ANKRD53: variants seen among roughly 807,000 people sequenced by gnomAD.
ANKRD53 encodes ankyrin repeat domain-containing protein 53.
A neutral mutation model predicts 30.1 loss-of-function variants in ANKRD53; 27 were observed. That is an observed-to-expected ratio of 0.90 (90% CI 0.66 to 1.24). The LOEUF is 1.24. ANKRD53 is among the 50% of genes most tolerant of loss of function. ANKRD53 has a pLI of 0.00. For missense variants in ANKRD53, 682 were observed against 721.0 expected (o/e 0.95, Z 0.62); for synonymous variants, 286 against 295.4 (o/e 0.97, Z 0.33).
intron 3 of ANKRD53, 91 bp from the exon 4 acceptor site, chr2:70,981,845 G>A (rs1553423646): frequency 5.8e-6 from 8 of 1,378,816 alleles, no homozygotes; most frequent in Middle Eastern, 1.9e-4. Flanking sequence ...GTAGAGCAGG[G>A]CTTGGAAACT....
At position 70,984,725 on chromosome 2, in the gene ANKRD53, A is replaced by C; in HGVS notation, c.1018A>C (p.Lys340Gln). The C allele has an allele frequency of 6.2e-7, 1 of 1,609,266 alleles. No homozygotes were observed. Among genetic ancestry groups the C allele is most frequent in the Non-Finnish European group, 8.5e-7 (1 of 1,177,432 alleles). Residue 340 changes from lysine (K) to glutamine (Q), a missense_variant, in exon 6 of 6, where the codon AAG (lysine) becomes CAG (glutamine). Lys to Gln is a moderately conservative substitution (Grantham distance 53). Coordinates refer to ENST00000360589, the MANE Select transcript of ANKRD53 (RefSeq NM_001115116.2). The stretch of plus-strand genomic sequence containing the variant: ...GCAAGCCCGGGCCACCGCCCTCTCC[A>C]AGACCCCAGAGCAACGGGAATCGCA... ...TKQARATALS[K>Q]TPEQRESQRS...
rs1412483506 is a variant in ANKRD53, at chr2:70,978,999, A to T, written c.171-98A>T. ...GGCCGTGGCCCAGAGTCGCTTCCCC[A>T]CTGCCCCGCCCACCAGCCAGGCGGG... On this transcript the variant is annotated intron_variant, in intron 1 of 5. Transcript: ENST00000360589. This position sits in a 1 kb window ranked among gnomAD's most constrained non-coding sequence, Gnocchi z 4.3. The T allele has an allele frequency of 2.1e-6, 3 of 1,454,776 alleles. No homozygotes were observed. Among genetic ancestry groups the T allele is most frequent in the Non-Finnish European group, 2.7e-6 (3 of 1,107,644 alleles). 90.1% of individuals were successfully genotyped at this position (1,454,776 alleles called of 1,614,324 possible). A position where few individuals can be genotyped will look rare whatever the true frequency, so the allele number is the denominator to read the frequency against.
rs993976275 is a variant in ANKRD53, at chr2:70,985,272, C to A, written c.1565C>A (p.Thr522Asn). Residue 522 changes from threonine (T) to asparagine (N), a missense_variant, in exon 6 of 6, where the codon ACC (threonine) becomes AAC (asparagine). Transcript: ENST00000360589. ...AAVRSHQGLPTLPSPQTNP is the reference protein window; with the variant it reads ...AAVRSHQGLPNLPSPQTNP Reference sequence around the variant, plus strand: ...GTGCGATCTCATCAAGGACTCCCCACCCTGCCCTCCCCACAAACCAACCCA... The same window carrying A: ...GTGCGATCTCATCAAGGACTCCCCAACCTGCCCTCCCCACAAACCAACCCA... 4.5e-5 allele frequency: 70 copies of A among 1,547,284 alleles called. 1 individual carries two copies. The Admixed American group carries it at 1.3e-3, about 29-fold the overall frequency.
chr2:70,980,773 G>A (rs923543203), intron 3 of ANKRD53, among the ~76,000 whole-genome samples: 12 of 151,852 alleles, frequency 7.9e-5, no homozygotes, highest in African/African-American at 1.7e-4. Context: ...GTAAAACCCC[G>A]TCTCTACTAA....
Position 70,978,649 on chromosome 2 carries a change from G to T in ANKRD53, c.4G>T (p.Ala2Ser). Residue 2 changes from alanine to serine, a missense_variant, in exon 1 of 6, where the codon GCC becomes TCC. Physicochemically the swap from Ala to Ser is moderately conservative, Grantham distance 99. Coordinates refer to ENST00000360589, the MANE Select transcript of ANKRD53 (RefSeq NM_001115116.2). This position sits in a 1 kb window ranked among gnomAD's most constrained non-coding sequence, Gnocchi z 4.3. M[A>S]SAGSTARRAG... ...GGGTCCGAGTTCCAGCCCCGCGATG[G>T]CCTCCGCGGGCAGCACCGCTCGGCG... 6.5e-7 allele frequency: 1 copy of T among 1,527,812 alleles called. No homozygotes were observed. Among genetic ancestry groups the T allele is most frequent in the Non-Finnish European group, 8.8e-7 (1 of 1,138,588 alleles). 94.6% of individuals were successfully genotyped at this position (1,527,812 alleles called of 1,614,324 possible).
chr2:70,979,011 A>C (rs1177048407), intron 1 of ANKRD53, 86 bp from the exon 2 acceptor site: 2 of 1,445,736 alleles, frequency 1.4e-6, no homozygotes, highest in East Asian at 2.5e-5. Flanking sequence ...TGCCCCGCCC[A>C]CCAGCCAGGC....
Position 70,981,985 on chromosome 2 carries a change from T to G in ANKRD53, c.667T>G (p.Leu223Val). 1 of 1,612,844 alleles carries G rather than the reference T, an allele frequency of 6.2e-7. No homozygotes were observed. The highest frequency in any genetic ancestry group is 8.5e-7 in the Non-Finnish European group (1 of 1,179,392). Residue 223 changes from leucine (L) to valine (V), a missense_variant, in exon 4 of 6, where the codon TTG becomes GTG. Coordinates refer to ENST00000360589, the MANE Select transcript of ANKRD53 (RefSeq NM_001115116.2). Reference sequence around the variant, plus strand: ...CCTGCACCTGGCAGCCCGTGACGGCTTGCTGGACTGTGTGAAGGTCCTGGT... The same window carrying G: ...CCTGCACCTGGCAGCCCGTGACGGCGTGCTGGACTGTGTGAAGGTCCTGGT... ...TPLHLAARDG[L>V]LDCVKVLVQS...
In ANKRD53 at chr2:70,978,949, G is replaced by A; in HGVS notation, c.170+134G>A. The A allele has an allele frequency of 6.3e-6, 9 of 1,438,632 alleles. No individual in the cohort carries two copies. In the Middle Eastern group the frequency reaches 2.1e-3, roughly 330 times the overall value. The allele number at this position is 1,438,632 out of a possible 1,614,324, so 89.1% of individuals were successfully genotyped here. ...AGCCAGCAGAGACAGGCTGGGGCCA[G>A]GGATCGCCTCCCGAGAGGTGCCTAG... On this transcript the variant is annotated intron_variant, in intron 1 of 5. Transcript: ENST00000360589. The surrounding 1 kb of genome is among the most constrained non-coding windows in gnomAD (Gnocchi z 4.3).
intron 5 of ANKRD53, 93 bp from the exon 6 acceptor site, chr2:70,984,518 G>A: frequency 6.5e-7 from 1 of 1,545,362 alleles, no homozygotes; most frequent in Non-Finnish European, 8.7e-7. Flanking sequence ...CCTTCAGACT[G>A]TGGTTTCCGA....
At chr2:70,983,940 G>A (rs1670089561) in intron 5 of ANKRD53, among the ~76,000 whole-genome samples, 1 of 152,110 alleles carries the variant, frequency 6.6e-6, no homozygotes, top group Admixed American at 6.6e-5. Context: ...TGGCGGTGGG[G>A]GAGGTTCTAT....
At position 70,985,422 on chromosome 2, in the gene ANKRD53, G is replaced by T; in HGVS notation, c.*122G>T. On this transcript the variant is annotated 3_prime_UTR_variant, in exon 6 of 6. Transcript: ENST00000360589. ...ATGGGCTTCCCACTCCCAAGCTCGAGGAGTCACCCTTCCCAATCAAAAGCC... is the reference window on the plus strand; with the variant it reads ...ATGGGCTTCCCACTCCCAAGCTCGATGAGTCACCCTTCCCAATCAAAAGCC... The T allele has an allele frequency of 1.1e-6, 1 of 874,052 alleles. No homozygotes were observed. Among genetic ancestry groups the T allele is most frequent in the Non-Finnish European group, 1.7e-6 (1 of 582,394 alleles). 54.1% of individuals were successfully genotyped at this position (874,052 alleles called of 1,614,324 possible).
At position 70,979,225 on chromosome 2, in the gene ANKRD53, C is replaced by CA. The variant is rs1553423023; in HGVS notation, c.301dup (p.Ile101AsnfsTer74). The CA allele has an allele frequency of 1.2e-6, 2 of 1,613,346 alleles. No individual in the cohort carries two copies. The highest frequency in any genetic ancestry group is 1.7e-6 in the Non-Finnish European group (2 of 1,180,038). ...CCCAGCAAGGAGTCCGACCAGACGGCAATCGACCAGACGGCGATCGGGAGC... is the reference window on the plus strand; with the variant it reads ...CCCAGCAAGGAGTCCGACCAGACGGCAAATCGACCAGACGGCGATCGGGAGC... On this transcript the variant is annotated frameshift_variant, in exon 2 of 6. Coordinates refer to ENST00000360589, the MANE Select transcript of ANKRD53 (RefSeq NM_001115116.2). LOFTEE classifies it high-confidence loss of function.
chr2:70,981,606 C>T (rs1039055037), intron 3 of ANKRD53, among the ~76,000 whole-genome samples: 5 of 152,130 alleles, frequency 3.3e-5, no homozygotes, highest in Admixed American at 1.3e-4. Context: ...TGTGGGCATA[C>T]GGAATCTGGT....
At chr2:70,979,606 G>A in intron 2 of ANKRD53, 55 bp from the exon 3 acceptor site, 2 of 1,533,296 alleles carry the variant, frequency 1.3e-6, no homozygotes, top group Non-Finnish European at 1.8e-6. Context: ...ATAAATTGTG[G>A]ACCCTGGGAC....
rs3796100 is a variant in ANKRD53, at chr2:70,984,999, A to T, written c.1292A>T (p.His431Leu). ...SSFLEVRPDGHGGARLHTVDG... is the reference protein window; with the variant it reads ...SSFLEVRPDGLGGARLHTVDG... ...TTCCTGGAGGTGAGGCCTGATGGGC[A>T]CGGCGGTGCGCGGCTGCACACAGTG... Residue 431 changes from histidine to leucine, a missense_variant, in exon 6 of 6, where the codon CAC becomes CTC. By Grantham distance (99) the His-to-Leu change is moderately conservative (BLOSUM62 -3). Coordinates refer to ENST00000360589, the MANE Select transcript of ANKRD53 (RefSeq NM_001115116.2). The T allele has an allele frequency of 0.19, 300,681 of 1,549,130 alleles. 30,752 individuals carry two copies. The highest frequency in any genetic ancestry group is 0.21 in the Non-Finnish European group (243,231 of 1,146,452).
chr2:70,978,601 T>G (rs1553422764), upstream of ANKRD53: 10 of 1,447,188 alleles, frequency 6.9e-6, no homozygotes, highest in Non-Finnish European at 2.7e-6. This position sits in a 1 kb window ranked among gnomAD's most constrained non-coding sequence, Gnocchi z 4.3. Flanking sequence ...CGCCGGCGGG[T>G]GTGTGAGTAG....
Position 70,985,079 on chromosome 2 carries a change from A to T in ANKRD53, c.1372A>T (p.Met458Leu). Residue 458 changes from methionine (M) to leucine (L), a missense_variant, in exon 6 of 6, where the codon ATG becomes TTG. Met to Leu is a conservative substitution (Grantham distance 15). Transcript: ENST00000360589. ...GCTGCCTTTTGAGGTGCTGCTGCGC[A>T]TGCTGTACCCACGTGTATGGCCATA... ...PRLPFEVLLRMLYPRVWPYRM... is the reference protein window; with the variant it reads ...PRLPFEVLLRLLYPRVWPYRM... The T allele has an allele frequency of 2.6e-6, 4 of 1,550,604 alleles. No homozygotes were observed. Among genetic ancestry groups the T allele is most frequent in the Non-Finnish European group, 3.5e-6 (4 of 1,146,986 alleles).
In ANKRD53 at chr2:70,982,091, C is replaced by A. The variant is rs782286856; in HGVS notation, c.773C>A (p.Ala258Asp). 1.2e-6 allele frequency: 2 copies of A among 1,606,066 alleles called. No individual in the cohort carries two copies. The highest frequency in any genetic ancestry group is 1.7e-6 in the Non-Finnish European group (2 of 1,175,858). The change falls in exon 4 of 6, where the codon GCC becomes GAC. Residue 258 changes from alanine to aspartate, a missense_variant. Physicochemically the swap from Ala to Asp is moderately radical, Grantham distance 126. Transcript: ENST00000360589. This position sits in a 1 kb window ranked among gnomAD's most constrained non-coding sequence, Gnocchi z 4.2. ...IDFCKIWNHR[A>D]CARFLKDAMW... Reference sequence around the variant, plus strand: ...TTCTGCAAAATATGGAACCACCGTGCCTGTGCCCGGTGAGAGTGTGAGAAC... The same window carrying A: ...TTCTGCAAAATATGGAACCACCGTGACTGTGCCCGGTGAGAGTGTGAGAAC...
rs552649154 is a variant in ANKRD53 at position 70,982,076 on chromosome 2, T to C, written c.758T>C (p.Ile253Thr). The C allele has an allele frequency of 4.3e-6, 7 of 1,610,880 alleles. No individual in the cohort carries two copies. The Admixed American group carries it at 8.4e-5, about 19-fold the overall frequency. The change falls in exon 4 of 6, where the codon ATA becomes ACA. Residue 253 changes from isoleucine (I) to threonine (T), a missense_variant. Transcript: ENST00000360589. The surrounding 1 kb of genome is among the most constrained non-coding windows in gnomAD (Gnocchi z 4.2). ...TACAAACCCATTGACTTCTGCAAAA[T>C]ATGGAACCACCGTGCCTGTGCCCGG... ...MGYKPIDFCK[I>T]WNHRACARFL...
Sources: gnomAD v4.1 joint callset for allele counts (sites outside exome capture counted in the v4.1 genomes callset) on GRCh38, gnomAD v4.1.1 for gene constraint, Gnocchi (gnomAD v3.1) non-coding constraint, MANE v1.5 for transcripts, NCBI Gene and HGNC (gene_info 2026-07-23, HGNC 2026-07-21) for gene names.